Variants in OTUD7B observed in about 807,000 individuals in gnomAD.
The protein encoded by OTUD7B is OTU domain-containing protein 7B.
A neutral mutation model predicts 82.2 loss-of-function variants in OTUD7B; 34 were observed. The ratio of observed to expected loss-of-function variants is 0.41; its 90% CI spans 0.31 to 0.55. The LOEUF is 0.55. OTUD7B is among the 20% of genes least tolerant of loss of function. The probability of loss-of-function intolerance (pLI) is 0.20; values close to 1 mark genes in which losing one functional copy is unlikely to be tolerated. For synonymous variants in OTUD7B, 398 were observed against 402.7 expected, an observed-to-expected ratio of 0.99 and a Z score of 0.14; for missense variants, 944 against 1,062.1, an observed-to-expected ratio of 0.89 and a Z score of 1.55.
At chr1:150,021,634 G>A in the OTUD7B span, among the ~76,000 whole-genome samples, 12 of 152,196 alleles carry the variant, frequency 7.9e-5, no homozygotes, top group African/African-American at 2.9e-4. Context: ...CCTGAACTAA[G>A]TCCGCATTGG....
upstream of OTUD7B, among the ~76,000 whole-genome samples, chr1:150,010,899 T>C (rs1367320992): frequency 6.6e-6 from 1 of 152,128 alleles, no homozygotes; most frequent in East Asian, 1.9e-4. Flanking sequence ...TGACCCCGTG[T>C]TTTCCCGACC....
the OTUD7B span, among the ~76,000 whole-genome samples, chr1:150,063,514 C>T: frequency 6.6e-6 from 1 of 152,044 alleles, no homozygotes; most frequent in Admixed American, 6.6e-5. Context: ...TTTCTTTGGC[C>T]ATCTCAAAAT....
the OTUD7B span, among the ~76,000 whole-genome samples, chr1:150,064,332 T>A: frequency 9.9e-5 from 15 of 152,108 alleles, no homozygotes; most frequent in Admixed American, 4.6e-4. Context: ...ATCCTTTCTT[T>A]CTTTCTCTTT....
chr1:149,947,182 A>G, intron 11 of OTUD7B, 69 bp downstream of exon 11: 1 of 891,074 alleles, frequency 1.1e-6, no homozygotes. Context: ...AAACCATCCC[A>G]GATCTCCTTG....
In OTUD7B at chr1:149,949,793, G is replaced by T; in HGVS notation, c.974-15C>A. ...AGGGGCAAATGCTGCAGGAAGCCAT[G>T]AAGATTATTATGAAGGCTGTGTTTC... On this transcript the variant is annotated splice_polypyrimidine_tract_variant and intron_variant, in intron 8 of 11. Transcript: ENST00000581312. 1 of 1,611,360 alleles carries T rather than the reference G, an allele frequency of 6.2e-7. No individual in the cohort carries two copies. The highest frequency in any genetic ancestry group is 8.5e-7 in the Non-Finnish European group (1 of 1,178,604).
intron 7 of OTUD7B, among the ~76,000 whole-genome samples, chr1:149,958,833 C>T (rs1442924066): frequency 6.6e-6 from 1 of 151,942 alleles, no homozygotes; most frequent in African/African-American, 2.4e-5. Flanking sequence ...CAGCCTCGAC[C>T]TCCCCAGCTC....
In OTUD7B at chr1:150,002,030, C is replaced by CAATGAA. The variant is rs1434070697; in HGVS notation, c.-67+8412_-67+8417dup. On this transcript the variant is annotated intron_variant, in intron 1 of 11. Transcript: ENST00000581312. ...CAAACAATTTCCCTCCACAAAAATC[C>CAATGAA]AATGAAAATGAAAATACAGGGAAGA... Among the ~76,000 whole-genome samples the CAATGAA allele has an allele frequency of 2.0e-5, 3 of 152,120 alleles. No homozygotes were observed. In the South Asian group the frequency reaches 6.2e-4, roughly 32 times the overall value.
chr1:149,952,002 CT>C (rs1553773584), intron 7 of OTUD7B, among the ~76,000 whole-genome samples: 13 of 151,928 alleles, frequency 8.6e-5, no homozygotes, highest in Admixed American at 2.0e-4. Flanking sequence ...GCACCCAAAG[CT>C]ACTCCTCAGA....
At chr1:149,965,460 G>A (rs954720789) in intron 5 of OTUD7B, among the ~76,000 whole-genome samples, 2 of 152,168 alleles carry the variant, frequency 1.3e-5, no homozygotes, top group Non-Finnish European at 2.9e-5. Flanking sequence ...TAAATATTAA[G>A]TAGAATTGTA....
At chr1:149,954,418 G>C (rs1240653216) in intron 7 of OTUD7B, among the ~76,000 whole-genome samples, 1 of 152,156 alleles carries the variant, frequency 6.6e-6, no homozygotes, top group Admixed American at 6.5e-5. Flanking sequence ...TGGGGGATAA[G>C]CTTTTTGATG....
At chr1:150,059,654 G>A in the OTUD7B span, among the ~76,000 whole-genome samples, 4 of 152,062 alleles carry the variant, frequency 2.6e-5, no homozygotes, top group Admixed American at 2.0e-4. Context: ...ACAGGCACGA[G>A]CCACCATCAT....
At chr1:150,049,565 T>A in the OTUD7B span, among the ~76,000 whole-genome samples, 3 of 152,168 alleles carry the variant, frequency 2.0e-5, no homozygotes, top group Admixed American at 6.5e-5. Context: ...ATCTCAGTTT[T>A]GTCACTTATT....
chr1:149,967,598 C>A, intron 3 of OTUD7B, 77 bp from the exon 4 acceptor site: 1 of 1,112,012 alleles, frequency 9.0e-7, no homozygotes. Context: ...GTGATAGTTA[C>A]CTCTCAACAG....
intron 3 of OTUD7B, among the ~76,000 whole-genome samples, chr1:149,967,766 T>C (rs587630800): frequency 6.6e-6 from 1 of 152,318 alleles, no homozygotes; most frequent in Admixed American, 6.5e-5. Context: ...GTTTGGAATT[T>C]GCCTGATCTT....
intron 1 of OTUD7B, among the ~76,000 whole-genome samples, chr1:149,997,684 TA>T (rs2101918076): frequency 6.6e-6 from 1 of 152,310 alleles, no homozygotes; most frequent in East Asian, 1.9e-4. Flanking sequence ...ACTATTGCAT[TA>T]AGAGCCTGAT....
At chr1:149,992,629 C>T (rs1474540738) in intron 1 of OTUD7B, among the ~76,000 whole-genome samples, 4 of 151,822 alleles carry the variant, frequency 2.6e-5, no homozygotes, top group Non-Finnish European at 5.9e-5. Flanking sequence ...GTGTGCACCA[C>T]CACACCTGGC....
the OTUD7B span, among the ~76,000 whole-genome samples, chr1:150,030,481 A>C: frequency 6.6e-6 from 1 of 152,066 alleles, no homozygotes; most frequent in African/African-American, 2.4e-5. Context: ...TGTGCCATTA[A>C]TGTTTCATTT....
intron 1 of OTUD7B, among the ~76,000 whole-genome samples, chr1:149,994,761 C>A: frequency 6.6e-6 from 1 of 152,038 alleles, no homozygotes; most frequent in Non-Finnish European, 1.5e-5. Context: ...CCGGCGAATG[C>A]CACCATGCCT....
intron 1 of OTUD7B, among the ~76,000 whole-genome samples, chr1:150,002,945 A>C (rs587642073): frequency 1.5e-4 from 23 of 152,246 alleles, no homozygotes; most frequent in Admixed American, 5.9e-4. Flanking sequence ...CTCCTGATAT[A>C]CTGCAGTATA....
Sources: allele counts gnomAD v4.1 joint callset (sites outside exome capture counted in the v4.1 genomes callset), GRCh38; gene constraint gnomAD v4.1.1; transcripts MANE v1.5; gene names NCBI Gene and HGNC (gene_info 2026-07-23, HGNC 2026-07-21).